Variants in TRABD2B observed in about 807,000 individuals in gnomAD.
TRABD2B encodes metalloprotease TIKI2.
Under a neutral mutation model 40.1 loss-of-function variants are expected in TRABD2B, and 14 were observed. That is an observed-to-expected ratio of 0.35 (90% CI 0.23 to 0.55). The LOEUF (loss-of-function observed/expected upper bound fraction) is 0.55, where lower values mean the gene tolerates loss of function less well. Among genes scored for constraint, TRABD2B ranks in the 20% least tolerant of loss-of-function variants. The pLI is 0.90. For missense variants in TRABD2B, 541 were observed against 648.6 expected, an observed-to-expected ratio of 0.83 and a Z score of 1.80; for synonymous variants, 263 against 277.0, an observed-to-expected ratio of 0.95 and a Z score of 0.50.
intron 2 of TRABD2B, among the ~76,000 whole-genome samples, chr1:47,842,047 C>G (rs754235905): frequency 6.6e-6 from 1 of 152,150 alleles, no homozygotes; most frequent in Non-Finnish European, 1.5e-5. Context: ...GCTGGGATTA[C>G]AGGCATGAAC....
At chr1:47,883,574 G>T (rs991599110) in intron 2 of TRABD2B, among the ~76,000 whole-genome samples, 16 of 152,312 alleles carry the variant, frequency 1.1e-4, no homozygotes, top group African/African-American at 3.8e-4. Flanking sequence ...ATCTTAGAAG[G>T]ACCAAGAGCC....
intron 2 of TRABD2B, among the ~76,000 whole-genome samples, chr1:47,858,254 TTTTATTTTA>T (rs1247613173): frequency 3.0e-5 from 3 of 100,988 alleles, no homozygotes; most frequent in Non-Finnish European, 4.2e-5. Flanking sequence ...TTTTATTTTA[TTTTATTTTA>T]TTTTATTTTT....
At position 47,997,209 on chromosome 1, in the gene TRABD2B, C is replaced by G; in HGVS notation, c.-420G>C. The stretch of plus-strand genomic sequence containing the variant: ...GGGGCACGCAAGGGTCCCAGGGGTG[C>G]GCGGCGCTCCAGGAGGCGCGCAGTG... On this transcript the variant is annotated 5_prime_UTR_variant, in exon 1 of 7. Coordinates refer to ENST00000606738, the MANE Select transcript of TRABD2B (RefSeq NM_001194986.2). 1 of 982,500 alleles carries G rather than the reference C, an allele frequency of 1.0e-6. No homozygotes were observed. Among genetic ancestry groups the G allele is most frequent in the Non-Finnish European group, 1.2e-6 (1 of 829,012 alleles). 60.9% of individuals were successfully genotyped at this position (982,500 alleles called of 1,614,324 possible).
At chr1:47,962,369 C>G (rs1645534169) in intron 2 of TRABD2B, among the ~76,000 whole-genome samples, 1 of 152,006 alleles carries the variant, frequency 6.6e-6, no homozygotes, top group South Asian at 2.1e-4. Flanking sequence ...TAAAAACAAA[C>G]AAACAAATAA....
chr1:47,847,413 G>C (rs1401513645), intron 2 of TRABD2B, among the ~76,000 whole-genome samples: 1 of 152,226 alleles, frequency 6.6e-6, no homozygotes, highest in Non-Finnish European at 1.5e-5. Context: ...GGCCAGCACA[G>C]TGGCTGGCAT....
At chr1:47,769,547 C>T (rs1340925543) in intron 6 of TRABD2B, among the ~76,000 whole-genome samples, 1 of 152,216 alleles carries the variant, frequency 6.6e-6, no homozygotes. Context: ...TCCAAATGCC[C>T]CCAGCCCACC....
chr1:47,965,094 C>A (rs1326798112), intron 2 of TRABD2B, among the ~76,000 whole-genome samples: 1 of 150,582 alleles, frequency 6.6e-6, no homozygotes, highest in Non-Finnish European at 1.5e-5. Flanking sequence ...TTTGATTTTT[C>A]TTCCAGGACT....
intron 3 of TRABD2B, among the ~76,000 whole-genome samples, chr1:47,797,349 T>G (rs1406417473): frequency 6.6e-6 from 1 of 152,172 alleles, no homozygotes; most frequent in Non-Finnish European, 1.5e-5. Flanking sequence ...CTTTTCCCAG[T>G]GAAGGGTGGC....
At chr1:47,863,998 G>GA (rs1444568711) in intron 2 of TRABD2B, among the ~76,000 whole-genome samples, 1 of 152,190 alleles carries the variant, frequency 6.6e-6, no homozygotes, top group East Asian at 1.9e-4. Context: ...AGCCAATCTG[G>GA]AAAGATTAGT....
At chr1:47,893,019 T>C (rs974002378) in intron 2 of TRABD2B, among the ~76,000 whole-genome samples, 1 of 152,300 alleles carries the variant, frequency 6.6e-6, no homozygotes, top group East Asian at 1.9e-4. Context: ...ACATAAATGG[T>C]GCTGAGGGCT....
At chr1:47,992,604 C>T (rs1225475305) in intron 2 of TRABD2B, among the ~76,000 whole-genome samples, 4 of 152,278 alleles carry the variant, frequency 2.6e-5, no homozygotes, top group East Asian at 3.9e-4. Context: ...AACCTGCCTC[C>T]GAAATGAGAT....
At chr1:47,938,583 A>G (rs1232637510) in intron 2 of TRABD2B, among the ~76,000 whole-genome samples, 1 of 151,486 alleles carries the variant, frequency 6.6e-6, no homozygotes, top group Non-Finnish European at 1.5e-5. Flanking sequence ...CCATGACTTT[A>G]GCTTACTAAC....
chr1:47,889,517 A>C (rs1388677628), intron 2 of TRABD2B, among the ~76,000 whole-genome samples: 1 of 152,182 alleles, frequency 6.6e-6, no homozygotes, highest in South Asian at 2.1e-4. Flanking sequence ...AAGACCTTGG[A>C]AGTGACTCAA....
chr1:47,874,282 G>A (rs1482098069), intron 2 of TRABD2B, among the ~76,000 whole-genome samples: 5 of 68,516 alleles, frequency 7.3e-5, no homozygotes, highest in South Asian at 3.9e-4. Context: ...TTTTTGAGAC[G>A]GAGTCTCGCT....
intron 2 of TRABD2B, among the ~76,000 whole-genome samples, chr1:47,963,269 T>A (rs1645548485): frequency 1.3e-5 from 2 of 152,226 alleles, no homozygotes; most frequent in Admixed American, 1.3e-4. Context: ...GCATGTTGAA[T>A]ACAGCGACAG....
chr1:47,921,110 C>T (rs1644895954), intron 2 of TRABD2B, among the ~76,000 whole-genome samples: 1 of 152,194 alleles, frequency 6.6e-6, no homozygotes, highest in African/African-American at 2.4e-5. Flanking sequence ...TCAAACTGGA[C>T]CACAGAATTT....
At chr1:47,766,194 T>A in intron 6 of TRABD2B, 88 bp from the exon 7 acceptor site, 1 of 675,548 alleles carries the variant, frequency 1.5e-6, no homozygotes, top group Non-Finnish European at 2.7e-6. Flanking sequence ...TTTTTTCAGG[T>A]CTATTTTGCC....
At chr1:47,846,337 A>C (rs982069370) in intron 2 of TRABD2B, among the ~76,000 whole-genome samples, 3 of 152,248 alleles carry the variant, frequency 2.0e-5, no homozygotes, top group Non-Finnish European at 4.4e-5. Context: ...CCAACTGCCC[A>C]TCTGGCTCAT....
At chr1:47,809,252 C>A (rs1557584155) in intron 2 of TRABD2B, among the ~76,000 whole-genome samples, 3 of 152,210 alleles carry the variant, frequency 2.0e-5, no homozygotes, top group Non-Finnish European at 2.9e-5. Flanking sequence ...TACTAACACT[C>A]GTCCTTCCCG....
Sources: allele counts gnomAD v4.1 joint callset (sites outside exome capture counted in the v4.1 genomes callset), GRCh38; gene constraint gnomAD v4.1.1; transcripts MANE v1.5; gene names NCBI Gene and HGNC (gene_info 2026-07-23, HGNC 2026-07-21).